Variants in GRIK2 observed in about 807,000 individuals in gnomAD.
GRIK2 encodes the protein glutamate receptor ionotropic, kainate 2.
A neutral mutation model predicts 100.3 loss-of-function variants in GRIK2; 32 were observed. The observed-to-expected ratio is 0.32, with a 90% CI of 0.24 to 0.43. The LOEUF (loss-of-function observed/expected upper bound fraction) is 0.43. GRIK2 is among the 20% of genes least tolerant of loss of function. The pLI is 1.00. For missense variants in GRIK2, 843 were observed against 1,114.9 expected, an observed-to-expected ratio of 0.76 and a Z score of 3.47; for synonymous variants, 417 against 389.4, an observed-to-expected ratio of 1.07 and a Z score of -0.83.
chr6:101,804,902 A>C (rs1338969678), intron 9 of GRIK2, among the ~76,000 whole-genome samples: 1 of 151,988 alleles, frequency 6.6e-6, no homozygotes, highest in Admixed American at 6.6e-5. Context: ...GAAGGAACAA[A>C]ATGCTGCTAA....
chr6:101,606,933 G>A (rs529153644), intron 2 of GRIK2, among the ~76,000 whole-genome samples: 26 of 151,948 alleles, frequency 1.7e-4, no homozygotes, highest in African/African-American at 5.1e-4. Context: ...TTTGTGCCAC[G>A]CTTTCTGTGT....
chr6:101,933,630 A>G (rs1790428632), intron 14 of GRIK2, among the ~76,000 whole-genome samples: 1 of 151,960 alleles, frequency 6.6e-6, no homozygotes, highest in Non-Finnish European at 1.5e-5. Context: ...TCAATGCCAC[A>G]GCTTTTCTTT....
intron 7 of GRIK2, among the ~76,000 whole-genome samples, chr6:101,791,783 A>T (rs1291671839): frequency 6.6e-6 from 1 of 151,636 alleles, no homozygotes; most frequent in East Asian, 1.9e-4. Flanking sequence ...TGTCTCGTTG[A>T]TCTGTCTAAT....
intron 11 of GRIK2, among the ~76,000 whole-genome samples, chr6:101,871,961 C>T (rs1200262449): frequency 6.6e-6 from 1 of 151,968 alleles, no homozygotes; most frequent in Non-Finnish European, 1.5e-5. Flanking sequence ...ATGCTCTTCA[C>T]AGCAGCTGGA....
intron 2 of GRIK2, among the ~76,000 whole-genome samples, chr6:101,445,200 A>G (rs1321541543): frequency 6.6e-6 from 1 of 152,064 alleles, no homozygotes; most frequent in Non-Finnish European, 1.5e-5. Flanking sequence ...TTGCCATTGT[A>G]TTTAGAGACT....
chr6:101,861,681 A>G (rs2128444162), intron 11 of GRIK2, among the ~76,000 whole-genome samples: 1 of 152,242 alleles, frequency 6.6e-6, no homozygotes, highest in East Asian at 1.9e-4. Context: ...AACAAACTCA[A>G]AATAGTCATT....
chr6:102,040,653 C>A (rs1163501920), intron 15 of GRIK2, among the ~76,000 whole-genome samples: 1 of 151,466 alleles, frequency 6.6e-6, no homozygotes, highest in Non-Finnish European at 1.5e-5. Flanking sequence ...GAGGCAGATG[C>A]CAATGTTTGT....
chr6:101,441,717 A>G (rs944479109), intron 2 of GRIK2, among the ~76,000 whole-genome samples: 1 of 152,092 alleles, frequency 6.6e-6, no homozygotes, highest in Non-Finnish European at 1.5e-5. Context: ...TTTGGTGTAC[A>G]GATAATTTTG....
At chr6:101,806,737 C>T (rs1781033304) in intron 9 of GRIK2, among the ~76,000 whole-genome samples, 1 of 151,372 alleles carries the variant, frequency 6.6e-6, no homozygotes, top group Non-Finnish European at 1.5e-5. Context: ...GTTCCTTTGC[C>T]TGGGGAACTC....
Position 101,463,427 on chromosome 6 carries a change from G to A in GRIK2, c.115+64035G>A, listed in dbSNP as rs141610256. 1.8e-4 allele frequency among the ~76,000 whole-genome samples: 27 copies of A among 152,162 alleles called. 1 individual carries two copies. The East Asian group carries it at 4.8e-3, about 27-fold the overall frequency. ...AGAGTTATTGACTGTCTTGATGCTA[G>A]ACATAATGGTTGGAATGAAAGGAAC... is the stretch of plus-strand genomic sequence containing the variant. On this transcript the variant is annotated intron_variant, in intron 2 of 16. Transcript: ENST00000369134.
At chr6:101,930,629 T>A (rs1264661179) in intron 14 of GRIK2, among the ~76,000 whole-genome samples, 1 of 152,094 alleles carries the variant, frequency 6.6e-6, no homozygotes, top group Admixed American at 6.5e-5. Flanking sequence ...AATATACTAG[T>A]AGCAAAGTTC....
Position 101,951,920 on chromosome 6 carries a change from T to G in GRIK2, c.2085+23288T>G, listed in dbSNP as rs563433466. Among the ~76,000 whole-genome samples, 102 of 152,304 alleles carry G rather than the reference T, an allele frequency of 6.7e-4. 1 individual carries two copies. The highest frequency in any genetic ancestry group is 2.3e-3 in the African/African-American group (96 of 41,560). The stretch of plus-strand genomic sequence containing the variant: ...CATGAGAAGTAACTAATACATAGCC[T>G]TTAAGAGTCCCACAATGTAATATCA... On this transcript the variant is annotated intron_variant, in intron 14 of 16. Transcript: ENST00000369134.
At chr6:101,773,423 T>G (rs1778530250) in intron 7 of GRIK2, among the ~76,000 whole-genome samples, 1 of 143,652 alleles carries the variant, frequency 7.0e-6, no homozygotes, top group Admixed American at 7.4e-5. Flanking sequence ...GAGGTTGCAG[T>G]GAGCCGAGAT....
intron 10 of GRIK2, among the ~76,000 whole-genome samples, chr6:101,846,227 A>G (rs779282941): frequency 2.0e-5 from 3 of 152,114 alleles, no homozygotes; most frequent in Non-Finnish European, 4.4e-5. Context: ...CAAAAAATCC[A>G]TTGCCAAATC....
chr6:101,544,076 G>A (rs1486592931), intron 2 of GRIK2, among the ~76,000 whole-genome samples: 1 of 152,066 alleles, frequency 6.6e-6, no homozygotes, highest in Non-Finnish European at 1.5e-5. Flanking sequence ...ATGGAAGAGT[G>A]TCAAAACAAT....
chr6:102,052,722 T>C (rs1005359662), intron 15 of GRIK2, among the ~76,000 whole-genome samples: 3 of 152,158 alleles, frequency 2.0e-5, no homozygotes, highest in African/African-American at 7.2e-5. Context: ...ATTAAGAATT[T>C]TCTATATTTG....
chr6:101,487,633 ATGACTTACACATAGTAACACACATAATG>A lies in GRIK2; in HGVS notation c.115+88254_115+88281del, dbSNP rs540714482. Reference sequence around the variant, plus strand: ...TATACAGTAGTACACAAAATATAATATGACTTACACATAGTAACACACATAATGTGACTTACACATGGTAGCCCCTCTT... The same window carrying A: ...TATACAGTAGTACACAAAATATAATATGACTTACACATGGTAGCCCCTCTT... On this transcript the variant is annotated intron_variant, in intron 2 of 16. Coordinates refer to ENST00000369134, the MANE Select transcript of GRIK2 (RefSeq NM_021956.5). 1.4e-3 allele frequency among the ~76,000 whole-genome samples: 205 copies of A among 147,282 alleles called. 20 individuals are homozygous for A. In the Middle Eastern group the frequency reaches 0.014, roughly 10 times the overall value.
intron 7 of GRIK2, among the ~76,000 whole-genome samples, chr6:101,691,979 G>T (rs1236730607): frequency 7.0e-6 from 1 of 142,516 alleles, no homozygotes; most frequent in East Asian, 2.1e-4. Flanking sequence ...TTGAGCCTGG[G>T]AAGTTGAGGC....
At chr6:101,655,283 AT>A (rs1285389444) in intron 4 of GRIK2, among the ~76,000 whole-genome samples, 1 of 152,144 alleles carries the variant, frequency 6.6e-6, no homozygotes, top group African/African-American at 2.4e-5. Context: ...TGGAGTAAGA[AT>A]TTTTTGTAGA....
Sources: gnomAD v4.1 joint callset for allele counts (sites outside exome capture counted in the v4.1 genomes callset) on GRCh38, gnomAD v4.1.1 for gene constraint, MANE v1.5 for transcripts, NCBI Gene and HGNC (gene_info 2026-07-23, HGNC 2026-07-21) for gene names.